The following PCNX3 variants were observed in gnomAD, a reference collection of about 807,000 sequenced individuals.
PCNX3 encodes pecanex 3.
A neutral mutation model predicts 207.2 loss-of-function variants in PCNX3; 58 were observed. That is an observed-to-expected ratio of 0.28 (90% CI 0.23 to 0.35). PCNX3 has a LOEUF of 0.35. Among genes scored for constraint, PCNX3 ranks in the 10% least tolerant of loss-of-function variants. The pLI, the probability that PCNX3 is intolerant of heterozygous loss-of-function variation, is 1.00. For synonymous variants in PCNX3, 1,337 were observed against 1,183.5 expected, an observed-to-expected ratio of 1.13 and a Z score of -2.66; for missense variants, 2,410 against 2,774.4, an observed-to-expected ratio of 0.87 and a Z score of 2.95.
intron 2 of PCNX3, 80 bp from the exon 3 acceptor site, chr11:65,617,170 G>C: frequency 6.9e-7 from 1 of 1,442,306 alleles, no homozygotes; most frequent in South Asian, 1.2e-5. Flanking sequence ...TTCTGAAAAA[G>C]AAGCAGTGAC....
Position 65,618,803 on chromosome 11 carries a change from C to T in PCNX3, c.1441C>T (p.Pro481Ser), listed in dbSNP as rs1442517573. 1.2e-6 allele frequency: 2 copies of T among 1,610,990 alleles called. No individual in the cohort carries two copies. The highest frequency in any genetic ancestry group is 1.7e-6 in the Non-Finnish European group (2 of 1,179,216). The change falls in exon 6 of 35, where the codon CCC (proline) becomes TCC (serine). Residue 481 changes from proline to serine, a missense_variant. Pro to Ser is a moderately conservative substitution (Grantham distance 74). Coordinates refer to ENST00000355703, the MANE Select transcript of PCNX3 (RefSeq NM_032223.4). ...PHGAEEGTAV[P>S]PKRPYGTQRT... is the part of the protein sequence containing the mutation. ...TGGGGCTGAGGAGGGAACTGCTGTG[C>T]CCCCCAAGCGGCCATATGGGACCCA... is the stretch of plus-strand genomic sequence containing the variant.
At chr11:65,624,867 G>A in intron 15 of PCNX3, 58 bp from the exon 16 acceptor site, 1 of 1,513,272 alleles carries the variant, frequency 6.6e-7, no homozygotes, top group Non-Finnish European at 9.0e-7. Flanking sequence ...AGCGCGGCTA[G>A]GGTTGAGGTG....
chr11:65,618,106 G>A lies in PCNX3; in HGVS notation c.744G>A (p.Glu248=), dbSNP rs751583849. ...TGCTGAAGGGGAGCCTCAGCCAGGA[G>A]CTGAGCAAGAGCTTCCTGACCCTGA... The part of the protein sequence containing the change: ...SPLLKGSLSQ[E]LSKSFLTLTQ... The change falls in exon 6 of 35, where the codon GAG becomes GAA. Residue 248 remains glutamate, a synonymous_variant. Coordinates refer to ENST00000355703, the MANE Select transcript of PCNX3 (RefSeq NM_032223.4). 1 of 1,610,852 alleles carries A rather than the reference G, an allele frequency of 6.2e-7. No individual in the cohort carries two copies. Among genetic ancestry groups the A allele is most frequent in the Middle Eastern group, 1.7e-4 (1 of 6,054 alleles).
In PCNX3 at chr11:65,618,082, G is replaced by C; in HGVS notation, c.720G>C (p.Leu240=). The change falls in exon 6 of 35, where the codon CTG becomes CTC. Residue 240 remains leucine (L), a synonymous_variant. Coordinates refer to ENST00000355703, the MANE Select transcript of PCNX3 (RefSeq NM_032223.4). ...TGGCTGACACTCCCATGAGCCCCCT[G>C]CTGAAGGGGAGCCTCAGCCAGGAGC... The part of the protein sequence containing the change: ...SSMADTPMSP[L]LKGSLSQELS... 1 of 1,608,690 alleles carries C rather than the reference G, an allele frequency of 6.2e-7. No homozygotes were observed.
Position 65,625,258 on chromosome 11 carries a change from A to T in PCNX3, c.3007A>T (p.Ser1003Cys). The T allele has an allele frequency of 1.2e-6, 2 of 1,610,112 alleles. No individual in the cohort carries two copies. Among genetic ancestry groups the T allele is most frequent in the Non-Finnish European group, 1.7e-6 (2 of 1,179,086 alleles). Residue 1003 changes from serine to cysteine, a missense_variant, in exon 17 of 35, where the codon AGC (serine) becomes TGC (cysteine). Ser to Cys is a moderately radical substitution (Grantham distance 112). This residue lies in a region of PCNX3 where 333 missense variants were observed against 386.8 expected (regional missense o/e 0.86). Transcript: ENST00000355703. The surrounding 1 kb of genome is among the most constrained non-coding windows in gnomAD (Gnocchi z 5.6). ...ACTGTCCTACCACCTGAGCCGGCAG[A>T]GCAGCGACCCCACCGTGCTCTGGTG... ...VALSYHLSRQ[S>C]SDPTVLWSLI...
At position 65,621,028 on chromosome 11, in the gene PCNX3, G is replaced by A. The variant is rs146625619; in HGVS notation, c.2235+62G>A. 188 of 1,479,800 alleles carry A rather than the reference G, an allele frequency of 1.3e-4. No homozygotes were observed. In the African/African-American group the frequency reaches 2.4e-3, roughly 19 times the overall value. 91.7% of individuals were successfully genotyped at this position (1,479,800 alleles called of 1,614,324 possible). ...CGTGACGGGGCGGGCAGATCACTGAGTCCGGCCTGCATAGAGAGCTTGCCC... is the reference window on the plus strand; with the variant it reads ...CGTGACGGGGCGGGCAGATCACTGAATCCGGCCTGCATAGAGAGCTTGCCC... On this transcript the variant is annotated intron_variant, in intron 10 of 34. Coordinates refer to ENST00000355703, the MANE Select transcript of PCNX3 (RefSeq NM_032223.4).
In PCNX3 at chr11:65,637,059, G is replaced by C; in HGVS notation, c.*81G>C. ...TGCCTCTCTGCTGGACCACAGAACT[G>C]AGTGGCTTTGGCCTACATGTCTGAA... On this transcript the variant is annotated 3_prime_UTR_variant, in exon 35 of 35. Transcript: ENST00000355703. 1 of 1,446,586 alleles carries C rather than the reference G, an allele frequency of 6.9e-7. No individual in the cohort carries two copies. The highest frequency in any genetic ancestry group is 9.3e-7 in the Non-Finnish European group (1 of 1,075,194). The allele number at this position is 1,446,586 out of a possible 1,614,324, so 89.6% of individuals were successfully genotyped here.
In PCNX3 at chr11:65,625,052, T is replaced by C; in HGVS notation, c.2919+36T>C. ...CTTGCGAGGTGGGGGCATGCTGCAGTGCGTAAGGGTGGTTGGGGCGGGGCT... is the reference window on the plus strand; with the variant it reads ...CTTGCGAGGTGGGGGCATGCTGCAGCGCGTAAGGGTGGTTGGGGCGGGGCT... On this transcript the variant is annotated intron_variant, in intron 16 of 34. Coordinates refer to ENST00000355703, the MANE Select transcript of PCNX3 (RefSeq NM_032223.4). This position sits in a 1 kb window ranked among gnomAD's most constrained non-coding sequence, Gnocchi z 5.6. 1 of 1,592,626 alleles carries C rather than the reference T, an allele frequency of 6.3e-7. No homozygotes were observed. The highest frequency in any genetic ancestry group is 1.1e-5 in the South Asian group (1 of 89,764).
intron 1 of PCNX3, 91 bp from the exon 2 acceptor site, chr11:65,616,733 G>A (rs1854751312): frequency 2.1e-6 from 3 of 1,411,590 alleles, no homozygotes; most frequent in Admixed American, 2.1e-5. Context: ...TTTCTTGTGA[G>A]TCTGTGAATC....
intron 32 of PCNX3, 128 bp from the exon 33 acceptor site, chr11:65,636,046 C>T (rs1855819004): frequency 7.1e-7 from 1 of 1,414,514 alleles, no homozygotes; most frequent in Admixed American, 2.1e-5. Context: ...GTGGCAGCTT[C>T]TTAGAGGGGA....
At position 65,628,972 on chromosome 11, in the gene PCNX3, C is replaced by G. The variant is rs1215730056; in HGVS notation, c.3941+24C>G. The G allele has an allele frequency of 5.6e-6, 9 of 1,608,334 alleles. 1 individual carries two copies. The South Asian group carries it at 9.9e-5, about 18-fold the overall frequency. ...AAGTGAGTCTCACAGGAGGCGGGAG[C>G]ATGCCCAGCAGGGCAGGAAGGGAGA... On this transcript the variant is annotated intron_variant, in intron 24 of 34. Coordinates refer to ENST00000355703, the MANE Select transcript of PCNX3 (RefSeq NM_032223.4).
rs569965083 is a variant in PCNX3 at position 65,618,844 on chromosome 11, C to G, written c.1482C>G (p.Thr494=). Residue 494 remains threonine, a synonymous_variant, in exon 6 of 35, where the codon ACC becomes ACG. Transcript: ENST00000355703. ...ATGGGACCCAGCGGACGCCTAGTAC[C>G]GCCAGCGCTAAAACACATGCCCGTG... is the stretch of plus-strand genomic sequence containing the variant. The part of the protein sequence containing the change: ...RPYGTQRTPS[T]ASAKTHARVL... 6.2e-7 allele frequency: 1 copy of G among 1,611,040 alleles called. No individual in the cohort carries two copies. The highest frequency in any genetic ancestry group is 8.5e-7 in the Non-Finnish European group (1 of 1,179,164).
intron 14 of PCNX3, 40 bp from the exon 15 acceptor site, chr11:65,624,431 C>T: frequency 6.4e-7 from 1 of 1,557,418 alleles, no homozygotes; most frequent in Non-Finnish European, 8.7e-7. Flanking sequence ...CCGCGGAAAG[C>T]CAGCAGGCTG....
chr11:65,620,394 A>G lies in PCNX3; in HGVS notation c.2064A>G (p.Val688=), dbSNP rs765964699. Residue 688 remains valine (V), a synonymous_variant, in exon 9 of 35, where the codon GTA becomes GTG. Transcript: ENST00000355703. ...GLAGGGYENP[V]GQQGEQTANG... ...CTGGAGGCGGCTACGAGAACCCTGTAGGGCAGCAAGGGGAGCAGACAGCTA... is the reference window on the plus strand; with the variant it reads ...CTGGAGGCGGCTACGAGAACCCTGTGGGGCAGCAAGGGGAGCAGACAGCTA... The G allele has an allele frequency of 1.2e-5, 19 of 1,613,292 alleles. No homozygotes were observed. Among genetic ancestry groups the G allele is most frequent in the Non-Finnish European group, 1.2e-5 (14 of 1,179,768 alleles).
chr11:65,620,284 G>T lies in PCNX3; in HGVS notation c.2009-55G>T, dbSNP rs1029713417. 12 of 1,541,278 alleles carry T rather than the reference G, an allele frequency of 7.8e-6. No individual in the cohort carries two copies. The African/African-American group carries it at 1.1e-4, about 14-fold the overall frequency. Reference sequence around the variant, plus strand: ...ATGGGTCTGGTGCCCACGTGAGCCGGGCCTTGGTGCTTCTGTCTCTGCCAC... The same window carrying T: ...ATGGGTCTGGTGCCCACGTGAGCCGTGCCTTGGTGCTTCTGTCTCTGCCAC... On this transcript the variant is annotated intron_variant, in intron 8 of 34. Coordinates refer to ENST00000355703, the MANE Select transcript of PCNX3 (RefSeq NM_032223.4).
rs758940355 is a variant in PCNX3, at chr11:65,616,480, C to T, written c.153+16C>T. ...ACTGTACATGGTGAGACGCCACGGC[C>T]ACCTGTAACTCCAGCCGGGAGAGGG... On this transcript the variant is annotated intron_variant, in intron 1 of 34. Transcript: ENST00000355703. The T allele has an allele frequency of 3.8e-6, 6 of 1,595,566 alleles. No homozygotes were observed. Among genetic ancestry groups the T allele is most frequent in the African/African-American group, 1.3e-5 (1 of 74,750 alleles).
chr11:65,622,129 C>T, intron 10 of PCNX3, 116 bp from the exon 11 acceptor site: 1 of 1,456,622 alleles, frequency 6.9e-7, no homozygotes, highest in Non-Finnish European at 9.1e-7. Context: ...GTCAACCAGA[C>T]CGGTGTGCTG....
rs747703475 is a variant in PCNX3 at position 65,636,171 on chromosome 11, C to G, written c.5460-3C>G. 16 of 1,598,470 alleles carry G rather than the reference C, an allele frequency of 1.0e-5. No individual in the cohort carries two copies. In the African/African-American group the frequency reaches 1.1e-4, roughly 11 times the overall value. On this transcript the variant is annotated splice_region_variant and splice_polypyrimidine_tract_variant and intron_variant, in intron 32 of 34. Transcript: ENST00000355703. ...GATCCCTTTTCTACCTCTCCACCCC[C>G]AGGCTTCACAAGGGCTGTGGCGCCG... is the stretch of plus-strand genomic sequence containing the variant.
At chr11:65,624,614 C>A (rs1485163851) in intron 15 of PCNX3, 33 bp downstream of exon 15, 1 of 1,537,754 alleles carries the variant, frequency 6.5e-7, no homozygotes, top group Middle Eastern at 1.8e-4. Flanking sequence ...AGGGATGGGG[C>A]CCGTGTGGAG....
Sources: gnomAD v4.1 joint callset for allele counts on GRCh38, gnomAD v4.1.1 for gene constraint, gnomAD v4.1.1 regional missense constraint, Gnocchi (gnomAD v3.1) non-coding constraint, MANE v1.5 for transcripts, NCBI Gene and HGNC (gene_info 2026-07-23, HGNC 2026-07-21) for gene names.